CFH: variants seen among roughly 807,000 people sequenced by gnomAD.
CFH encodes the protein H factor 1 (complement).
Under a neutral mutation model 147.3 loss-of-function variants are expected in CFH, and 53 were observed. The observed-to-expected ratio is 0.36, with a 90% CI of 0.29 to 0.45. CFH has a LOEUF of 0.45. CFH is among the 20% of genes least tolerant of loss of function. The probability of loss-of-function intolerance (pLI) is 1.00; values close to 1 mark genes in which losing one functional copy is unlikely to be tolerated. For missense variants in CFH, 1,380 were observed against 1,498.0 expected (o/e 0.92, Z 1.30); for synonymous variants, 536 against 489.4 (o/e 1.10, Z -1.26).
chr1:196,724,494 C>G (rs1305200558), intron 11 of CFH, among the ~76,000 whole-genome samples: 1 of 152,154 alleles, frequency 6.6e-6, no homozygotes, highest in Non-Finnish European at 1.5e-5. Context: ...CTTGGATCCA[C>G]ACGGTGAGCT....
rs1205328020 is a variant in CFH, at chr1:196,714,668, T to TAGAG, written c.1519+799_1519+802dup. Among the ~76,000 whole-genome samples, 64 of 21,306 alleles carry TAGAG rather than the reference T, an allele frequency of 3.0e-3. 5 individuals are homozygous for TAGAG. The highest frequency in any genetic ancestry group is 3.6e-3 in the African/African-American group (21 of 5,798). 14.0% of individuals were successfully genotyped at this position (21,306 alleles called of 152,430 possible). A position where few individuals can be genotyped will look rare whatever the true frequency, so the allele number is the denominator to read the frequency against. On this transcript the variant is annotated intron_variant, in intron 10 of 21. Transcript: ENST00000367429. ...ATATATATATATATATATATATATA[T>TAGAG]AGAGAGAGAGAGAGAGAGAGAGAGA...
chr1:196,666,134 G>C (rs965558907), intron 1 of CFH, among the ~76,000 whole-genome samples: 1 of 152,196 alleles, frequency 6.6e-6, no homozygotes, highest in Admixed American at 6.5e-5. Flanking sequence ...GATGAAGGAT[G>C]AAAGTTGATG....
At chr1:196,734,577 G>T (rs412852) in intron 15 of CFH, among the ~76,000 whole-genome samples, 4 of 151,774 alleles carry the variant, frequency 2.6e-5, no homozygotes. Context: ...ACTTTAGGGG[G>T]TTGCAGGAGG....
chr1:196,716,622 G>A (rs34622202), intron 11 of CFH, among the ~76,000 whole-genome samples: 2,215 of 152,092 alleles, frequency 0.015, 58 homozygotes, highest in African/African-American at 0.05. Context: ...TGATAGGGGA[G>A]GTGCAGAGCA....
intron 9 of CFH, among the ~76,000 whole-genome samples, chr1:196,691,966 T>C (rs746466578): frequency 1.3e-5 from 2 of 152,088 alleles, no homozygotes; most frequent in Non-Finnish European, 2.9e-5. Context: ...ACTCAACATT[T>C]CCCTAACAAT....
At chr1:196,707,364 A>G (rs956987686) in intron 9 of CFH, among the ~76,000 whole-genome samples, 1 of 152,172 alleles carries the variant, frequency 6.6e-6, no homozygotes, top group Non-Finnish European at 1.5e-5. Context: ...TAAATTAGAT[A>G]TTATCAAATA....
chr1:196,744,905 C>T (rs1477104793), intron 20 of CFH, among the ~76,000 whole-genome samples: 1 of 152,030 alleles, frequency 6.6e-6, no homozygotes, highest in East Asian at 1.9e-4. Flanking sequence ...CTTGGTATCC[C>T]TTTCTCTGAG....
At chr1:196,707,872 A>G (rs1668629720) in intron 9 of CFH, among the ~76,000 whole-genome samples, 2 of 152,200 alleles carry the variant, frequency 1.3e-5, no homozygotes, top group South Asian at 4.1e-4. Flanking sequence ...TAAAAAGGTG[A>G]GATACCTTCC....
chr1:196,713,736 A>G lies in CFH; in HGVS notation c.1338A>G (p.Lys446=). 1 of 1,568,224 alleles carries G rather than the reference A, an allele frequency of 6.4e-7. No homozygotes were observed. The highest frequency in any genetic ancestry group is 8.8e-7 in the Non-Finnish European group (1 of 1,140,292). The change falls in exon 10 of 22, where the codon AAA becomes AAG. Residue 446 remains lysine (K), a splice_region_variant and synonymous_variant. Coordinates refer to ENST00000367429, the MANE Select transcript of CFH (RefSeq NM_000186.4). ...WSPTPRCIRV[K]TCSKSSIDIE... is the part of the protein sequence containing the mutation. ...TTTTCTTATTCTCTTCCCTTTTAGA[A>G]ACATGTTCCAAATCAAGTATAGATA...
Position 196,737,464 on chromosome 1 carries a change from T to A in CFH, c.2597-11T>A. 1 of 1,597,246 alleles carries A rather than the reference T, an allele frequency of 6.3e-7. No individual in the cohort carries two copies. The highest frequency in any genetic ancestry group is 8.6e-7 in the Non-Finnish European group (1 of 1,166,296). Reference sequence around the variant, plus strand: ...TTGTTTTTAACCCTTTGATTTTCATTCTTCATTTAGAAAAAATTCCATGTT... The same window carrying A: ...TTGTTTTTAACCCTTTGATTTTCATACTTCATTTAGAAAAAATTCCATGTT... On this transcript the variant is annotated splice_polypyrimidine_tract_variant and intron_variant, in intron 16 of 21. Transcript: ENST00000367429.
At position 196,704,251 on chromosome 1, in the gene CFH, C is replaced by T. The variant is rs1573045380; in HGVS notation, c.1337-9484C>T. ...CTGGGATTACAGGCGTGTGCCACCA[C>T]AGCCAGCTAATTTTTATATTTTTAG... On this transcript the variant is annotated intron_variant, in intron 9 of 21. Coordinates refer to ENST00000367429, the MANE Select transcript of CFH (RefSeq NM_000186.4). 2.6e-5 allele frequency among the ~76,000 whole-genome samples: 4 copies of T among 152,052 alleles called. No homozygotes were observed. The South Asian group carries it at 8.3e-4, about 32-fold the overall frequency.
chr1:196,681,592 T>C (rs553661847), intron 6 of CFH, among the ~76,000 whole-genome samples: 1 of 151,850 alleles, frequency 6.6e-6, no homozygotes, highest in Admixed American at 6.6e-5. Context: ...TATTCAATAC[T>C]ATGCTTGCAG....
intron 10 of CFH, among the ~76,000 whole-genome samples, chr1:196,714,609 G>GTA (rs1668803020): frequency 7.3e-6 from 1 of 136,692 alleles, no homozygotes; most frequent in African/African-American, 2.8e-5. Context: ...GTGTGTGTGT[G>GTA]TGTGTGTGTG....
At chr1:196,711,273 A>G (rs1668717696) in intron 9 of CFH, among the ~76,000 whole-genome samples, 1 of 152,036 alleles carries the variant, frequency 6.6e-6, no homozygotes, top group African/African-American at 2.4e-5. Context: ...AAGGTTATTG[A>G]AGTGGAACAC....
At chr1:196,732,303 T>C (rs1669297911) in intron 15 of CFH, among the ~76,000 whole-genome samples, 1 of 152,016 alleles carries the variant, frequency 6.6e-6, no homozygotes, top group Non-Finnish European at 1.5e-5. Flanking sequence ...TTCCGTTCAG[T>C]TATAGTATTC....
chr1:196,702,196 G>A (rs1253077538), intron 9 of CFH, among the ~76,000 whole-genome samples: 1 of 152,056 alleles, frequency 6.6e-6, no homozygotes, highest in African/African-American at 2.4e-5. Flanking sequence ...AGCACTACTG[G>A]CGCCTCTCCA....
intron 9 of CFH, among the ~76,000 whole-genome samples, chr1:196,713,096 A>G (rs1668762854): frequency 6.6e-6 from 1 of 152,118 alleles, no homozygotes; most frequent in African/African-American, 2.4e-5. Context: ...TGTAACCGAC[A>G]GTAATTTCTA....
chr1:196,724,441 C>T (rs78953857), intron 11 of CFH, among the ~76,000 whole-genome samples: 1 of 152,240 alleles, frequency 6.6e-6, no homozygotes, highest in African/African-American at 2.4e-5. Context: ...TCTCCACTCA[C>T]ACCAGTGTGT....
chr1:196,676,408 C>T (rs981754984), intron 4 of CFH, among the ~76,000 whole-genome samples: 10 of 151,978 alleles, frequency 6.6e-5, no homozygotes, highest in African/African-American at 2.4e-4. Context: ...AAGAAGAACT[C>T]ACCCAGTAAC....
Sources: allele counts gnomAD v4.1 joint callset (sites outside exome capture counted in the v4.1 genomes callset), GRCh38; gene constraint gnomAD v4.1.1; transcripts MANE v1.5; gene names NCBI Gene and HGNC (gene_info 2026-07-23, HGNC 2026-07-21).